The following GRIK1 variants were observed in gnomAD, a reference collection of about 807,000 sequenced individuals.
GRIK1 encodes glutamate ionotropic receptor kainate type subunit 1.
Under a neutral mutation model 105.7 loss-of-function variants are expected in GRIK1, and 69 were observed. That is an observed-to-expected ratio of 0.65 (90% CI 0.54 to 0.80). The LOEUF is 0.80. Ranked by LOEUF, GRIK1 falls within the 30% of genes least tolerant of loss-of-function variation. The pLI is 0.00. For missense variants in GRIK1, 1,109 were observed against 1,167.3 expected, an observed-to-expected ratio of 0.95 and a Z score of 0.73; for synonymous variants, 438 against 431.3, an observed-to-expected ratio of 1.02 and a Z score of -0.19.
intron 2 of GRIK1, among the ~76,000 whole-genome samples, chr21:29,691,644 C>T (rs146541414): frequency 1.4e-3 from 217 of 152,234 alleles, no homozygotes; most frequent in African/African-American, 5.2e-3. Context: ...TTTAATTCTG[C>T]AAATTTAGAA....
intron 1 of GRIK1, among the ~76,000 whole-genome samples, chr21:29,774,855 T>A (rs1298793788): frequency 6.6e-6 from 1 of 152,204 alleles, no homozygotes; most frequent in Non-Finnish European, 1.5e-5. Context: ...CGGAGGACGC[T>A]GAGCTTGGTT....
At chr21:29,710,406 C>CCAATGATTTT in intron 1 of GRIK1, among the ~76,000 whole-genome samples, 1 of 119,072 alleles carries the variant, frequency 8.4e-6, no homozygotes, top group African/African-American at 4.7e-5. Flanking sequence ...GGATAGTTTT[C>CCAATGATTTT]TATCCTGTCC....
intron 1 of GRIK1, among the ~76,000 whole-genome samples, chr21:29,879,161 C>T (rs1262261440): frequency 6.6e-6 from 1 of 152,088 alleles, no homozygotes; most frequent in Non-Finnish European, 1.5e-5. Flanking sequence ...GAAGGAACAA[C>T]TTTCAGTAGA....
chr21:29,590,754 G>A (rs963737096), intron 10 of GRIK1, among the ~76,000 whole-genome samples: 1 of 152,182 alleles, frequency 6.6e-6, no homozygotes, highest in African/African-American at 2.4e-5. Flanking sequence ...GAACAGAAGA[G>A]CTTCTCTTGC....
chr21:29,895,253 C>T (rs2070094303), intron 1 of GRIK1, among the ~76,000 whole-genome samples: 1 of 152,044 alleles, frequency 6.6e-6, no homozygotes, highest in African/African-American at 2.4e-5. Flanking sequence ...GGTAGGTTCA[C>T]AGATGAAGAG....
chr21:29,851,429 CA>C (rs941722944), intron 1 of GRIK1, among the ~76,000 whole-genome samples: 62 of 152,288 alleles, frequency 4.1e-4, no homozygotes, highest in African/African-American at 1.5e-3. Flanking sequence ...CAATAATAGA[CA>C]AAAGGGAGAT....
At chr21:29,884,954 G>A (rs1778076708) in intron 1 of GRIK1, among the ~76,000 whole-genome samples, 1 of 151,912 alleles carries the variant, frequency 6.6e-6, no homozygotes, top group South Asian at 2.1e-4. Context: ...GCTCAAAACT[G>A]TTCCATAAAA....
chr21:29,560,362 TTTCTTCCTTCCTTCCTTC>T (rs2090393415), intron 15 of GRIK1, among the ~76,000 whole-genome samples: 3 of 49,016 alleles, frequency 6.1e-5, no homozygotes, highest in African/African-American at 2.7e-4. Context: ...TTTCTTTTTC[TTTCTTCCTTCCTTCCTTC>T]CTTCCTTCCT....
chr21:29,905,946 T>TG (rs1555908974), intron 1 of GRIK1, among the ~76,000 whole-genome samples: 34 of 142,664 alleles, frequency 2.4e-4, no homozygotes, highest in Non-Finnish European at 2.1e-4. Flanking sequence ...GTTTTTTTTG[T>TG]TTGTTTGTTT....
At chr21:29,704,177 AG>A (rs2063862187) in intron 1 of GRIK1, among the ~76,000 whole-genome samples, 1 of 152,240 alleles carries the variant, frequency 6.6e-6, no homozygotes, top group Non-Finnish European at 1.5e-5. Flanking sequence ...AGACTATGCT[AG>A]GAGGAGTGGA....
At chr21:29,682,842 G>C (rs2063406014) in intron 3 of GRIK1, among the ~76,000 whole-genome samples, 1 of 152,066 alleles carries the variant, frequency 6.6e-6, no homozygotes, top group African/African-American at 2.4e-5. Flanking sequence ...AGAGTAAACA[G>C]ACAACCCACA....
At chr21:29,810,674 T>C (rs1333580514) in intron 1 of GRIK1, among the ~76,000 whole-genome samples, 1 of 152,174 alleles carries the variant, frequency 6.6e-6, no homozygotes, top group Non-Finnish European at 1.5e-5. Context: ...AGGGAGCTGG[T>C]AATCTCAGGA....
At chr21:29,601,642 T>C (rs1360003752) in intron 7 of GRIK1, among the ~76,000 whole-genome samples, 1 of 152,232 alleles carries the variant, frequency 6.6e-6, no homozygotes, top group East Asian at 1.9e-4. Context: ...GATTGGCTTA[T>C]TGTGCTATTT....
intron 1 of GRIK1, among the ~76,000 whole-genome samples, chr21:29,782,288 G>A (rs420108): frequency 0.95 from 144,014 of 151,010 alleles, 68,907 homozygotes; most frequent in Non-Finnish European, 0.99. Flanking sequence ...GGGTTTCACC[G>A]TGTTAGCCAG....
intron 1 of GRIK1, among the ~76,000 whole-genome samples, chr21:29,819,164 G>A: frequency 1.3e-5 from 2 of 152,112 alleles, no homozygotes; most frequent in Admixed American, 1.3e-4. Flanking sequence ...AATACTATTC[G>A]ACAAGAAAGC....
chr21:29,905,008 CCT>C (rs1400395778), intron 1 of GRIK1, among the ~76,000 whole-genome samples: 1 of 152,182 alleles, frequency 6.6e-6, no homozygotes, highest in African/African-American at 2.4e-5. Context: ...CACACGAGGT[CCT>C]CTCTGAGCCT....
chr21:29,736,780 C>G (rs1361668825), intron 1 of GRIK1, among the ~76,000 whole-genome samples: 1 of 150,672 alleles, frequency 6.6e-6, no homozygotes, highest in South Asian at 2.1e-4. Context: ...TGGGTTCAAG[C>G]AATTCTCCTG....
intron 1 of GRIK1, among the ~76,000 whole-genome samples, chr21:29,894,989 G>T (rs143322198): frequency 2.4e-4 from 37 of 152,268 alleles, no homozygotes; most frequent in Non-Finnish European, 4.0e-4. Context: ...GAATGGAAAA[G>T]ACTGCAAGCA....
chr21:29,754,773 G>A (rs955034941), intron 1 of GRIK1, among the ~76,000 whole-genome samples: 6 of 152,198 alleles, frequency 3.9e-5, no homozygotes, highest in Non-Finnish European at 8.8e-5. Context: ...CCAGTTGAAA[G>A]GATGTAAAGG....
Sources: gnomAD v4.1 joint callset for allele counts (sites outside exome capture counted in the v4.1 genomes callset) on GRCh38, gnomAD v4.1.1 for gene constraint, MANE v1.5 for transcripts, NCBI Gene and HGNC (gene_info 2026-07-23, HGNC 2026-07-21) for gene names.